The following FGF12 variants were observed in gnomAD, a reference collection of about 807,000 sequenced individuals.
FGF12 encodes fibroblast growth factor 12B.
FGF12 carries 14 observed loss-of-function variants against 23.6 expected under a neutral mutation model. That is an observed-to-expected ratio of 0.59 (90% CI 0.39 to 0.93). FGF12 has a LOEUF of 0.93. FGF12 is among the 40% of genes least tolerant of loss of function. FGF12 has a pLI of 0.00. For synonymous variants in FGF12, 62 were observed against 77.3 expected (o/e 0.80, Z 1.04); for missense variants, 175 against 217.8 (o/e 0.80, Z 1.24).
intron 5 of FGF12, among the ~76,000 whole-genome samples, chr3:192,146,163 A>ATT (rs1251442447): frequency 6.6e-6 from 1 of 152,160 alleles, no homozygotes; most frequent in African/African-American, 2.4e-5. Flanking sequence ...ATCTCAATGA[A>ATT]TTTACAAAAA....
chr3:192,392,213 T>C (rs140697701), intron 2 of FGF12, among the ~76,000 whole-genome samples: 3 of 152,224 alleles, frequency 2.0e-5, no homozygotes, highest in Non-Finnish European at 2.9e-5. Flanking sequence ...TGGGGAAACA[T>C]CATTTTATAA....
At chr3:192,166,622 T>C (rs1715175628) in intron 5 of FGF12, among the ~76,000 whole-genome samples, 1 of 152,216 alleles carries the variant, frequency 6.6e-6, no homozygotes, top group Non-Finnish European at 1.5e-5. Context: ...TTTTTCACAT[T>C]TGTAAATGCG....
chr3:192,213,988 C>A (rs1486399601), intron 4 of FGF12, among the ~76,000 whole-genome samples: 2 of 151,894 alleles, frequency 1.3e-5, no homozygotes, highest in Non-Finnish European at 1.5e-5. Context: ...AAGGGAGGGG[C>A]TTTTTTTTAA....
At chr3:192,321,151 C>A (rs1716513325) in intron 4 of FGF12, among the ~76,000 whole-genome samples, 1 of 151,924 alleles carries the variant, frequency 6.6e-6, no homozygotes, top group East Asian at 1.9e-4. Flanking sequence ...CACAGAAATT[C>A]AAAGGATCAC....
At chr3:192,366,868 C>T (rs1719009123) in intron 2 of FGF12, among the ~76,000 whole-genome samples, 1 of 152,140 alleles carries the variant, frequency 6.6e-6, no homozygotes, top group Non-Finnish European at 1.5e-5. Flanking sequence ...CCAATTTGTT[C>T]TGAGTGGCTC....
chr3:192,569,658 C>T lies in FGF12; in HGVS notation c.13+157523G>A, dbSNP rs149750428. On this transcript the variant is annotated intron_variant, in intron 2 of 5. Coordinates refer to ENST00000445105, the MANE Select transcript of FGF12 (RefSeq NM_004113.6). Reference sequence around the variant, plus strand: ...TAGCCACCAAATTATTCTCATTTTACGGAAGAGGAAATTGAGATATAGAGA... The same window carrying T: ...TAGCCACCAAATTATTCTCATTTTATGGAAGAGGAAATTGAGATATAGAGA... Among the ~76,000 whole-genome samples, 343 of 152,212 alleles carry T rather than the reference C, an allele frequency of 2.3e-3. 1 individual carries two copies. The highest frequency in any genetic ancestry group is 7.0e-3 in the African/African-American group (290 of 41,516).
chr3:192,474,897 A>AAAAAAAG lies in FGF12; in HGVS notation c.14-114360_14-114359insCTTTTTT, dbSNP rs60312309. On this transcript the variant is annotated intron_variant, in intron 2 of 5. Transcript: ENST00000445105. ...TGAAACTTCATCTCAAAAAAAAAAA[A>AAAAAAAG]AAAGAAAGAAAGGAAAAAGAAAAAC... is the stretch of plus-strand genomic sequence containing the variant. 3.1e-3 allele frequency among the ~76,000 whole-genome samples: 459 copies of AAAAAAAG among 149,154 alleles called. 5 individuals are homozygous for AAAAAAAG. The highest frequency in any genetic ancestry group is 0.012 in the African/African-American group (451 of 38,858).
intron 4 of FGF12, among the ~76,000 whole-genome samples, chr3:192,218,176 G>T (rs1017773372): frequency 6.6e-6 from 1 of 152,098 alleles, no homozygotes; most frequent in Non-Finnish European, 1.5e-5. Flanking sequence ...TTCTATTAAT[G>T]GATCTAAAAA....
At chr3:192,266,449 T>C (rs1251751131) in intron 4 of FGF12, among the ~76,000 whole-genome samples, 2 of 152,094 alleles carry the variant, frequency 1.3e-5, no homozygotes, top group Admixed American at 6.6e-5. Context: ...GGCAACATGT[T>C]ATCTAGGAGG....
At chr3:192,556,727 A>T (rs1711794871) in intron 2 of FGF12, among the ~76,000 whole-genome samples, 1 of 152,286 alleles carries the variant, frequency 6.6e-6, no homozygotes, top group East Asian at 1.9e-4. Context: ...TCTCAAGTGC[A>T]CACAAAACAT....
chr3:192,520,512 A>C (rs1012691615), intron 2 of FGF12, among the ~76,000 whole-genome samples: 5 of 152,130 alleles, frequency 3.3e-5, no homozygotes, highest in African/African-American at 1.2e-4. Flanking sequence ...TCAAAATACT[A>C]TTTTCTTTTG....
At chr3:192,700,726 C>A (rs927366988) in intron 2 of FGF12, among the ~76,000 whole-genome samples, 3 of 152,116 alleles carry the variant, frequency 2.0e-5, no homozygotes, top group African/African-American at 4.8e-5. Context: ...CTAGTTTAGG[C>A]CATGATGGGA....
intron 2 of FGF12, among the ~76,000 whole-genome samples, chr3:192,540,544 G>A (rs893322991): frequency 1.3e-5 from 2 of 152,008 alleles, no homozygotes; most frequent in Non-Finnish European, 1.5e-5. Flanking sequence ...TTTAAGACTT[G>A]TTTTGTGACC....
At chr3:192,206,592 A>G (rs1440755327) in intron 4 of FGF12, among the ~76,000 whole-genome samples, 1 of 152,226 alleles carries the variant, frequency 6.6e-6, no homozygotes, top group Non-Finnish European at 1.5e-5. Context: ...CTCAATCTAC[A>G]TTAGTAAATG....
chr3:192,620,602 T>G (rs1714938638), intron 2 of FGF12, among the ~76,000 whole-genome samples: 1 of 152,208 alleles, frequency 6.6e-6, no homozygotes. Context: ...ATTTAGCTTT[T>G]ACGTTCTGAA....
At chr3:192,451,249 A>G (rs1722511367) in intron 2 of FGF12, among the ~76,000 whole-genome samples, 1 of 152,252 alleles carries the variant, frequency 6.6e-6, no homozygotes, top group Non-Finnish European at 1.5e-5. Flanking sequence ...CAGTAGGTAT[A>G]AAGAATGATC....
intron 4 of FGF12, among the ~76,000 whole-genome samples, chr3:192,259,803 G>A (rs1400717268): frequency 2.0e-5 from 3 of 152,056 alleles, no homozygotes; most frequent in South Asian, 2.1e-4. Context: ...TGAAGGAAAA[G>A]TTTGCTGAAG....
chr3:192,563,917 A>G (rs933430561), intron 2 of FGF12, among the ~76,000 whole-genome samples: 1 of 152,224 alleles, frequency 6.6e-6, no homozygotes, highest in Admixed American at 6.5e-5. Context: ...ATTGCAAGAC[A>G]TAGGTATGTG....
chr3:192,647,742 T>C (rs1425726288), intron 2 of FGF12, among the ~76,000 whole-genome samples: 2 of 147,144 alleles, frequency 1.4e-5, no homozygotes, highest in African/African-American at 5.2e-5. Context: ...TACATACATG[T>C]ATATATACAC....
Sources: allele counts gnomAD v4.1 joint callset (sites outside exome capture counted in the v4.1 genomes callset), GRCh38; gene constraint gnomAD v4.1.1; transcripts MANE v1.5; gene names NCBI Gene and HGNC (gene_info 2026-07-23, HGNC 2026-07-21).